Variants in PRKCB observed in about 807,000 individuals in gnomAD.
The protein encoded by PRKCB is protein kinase C beta, also known as protein kinase C beta type.
In PRKCB, 13 loss-of-function variants were observed where a neutral mutation model predicts 81.5. The observed-to-expected ratio is 0.16, with a 90% CI of 0.10 to 0.25. The LOEUF is 0.25. Ranked by LOEUF, PRKCB falls within the 10% of genes least tolerant of loss-of-function variation. The probability of loss-of-function intolerance (pLI) is 1.00; values close to 1 mark genes in which losing one functional copy is unlikely to be tolerated. For synonymous variants in PRKCB, 335 were observed against 321.4 expected (o/e 1.04, Z -0.45); for missense variants, 509 against 875.7 (o/e 0.58, Z 5.29).
intron 2 of PRKCB, among the ~76,000 whole-genome samples, chr16:23,967,777 C>A (rs1964506600): frequency 6.6e-6 from 1 of 152,250 alleles, no homozygotes; most frequent in African/African-American, 2.4e-5. Flanking sequence ...CTCAGCCTCC[C>A]GAGTAGCTGG....
intron 9 of PRKCB, among the ~76,000 whole-genome samples, chr16:24,140,527 G>T (rs2141943034): frequency 6.6e-6 from 1 of 152,278 alleles, no homozygotes; most frequent in East Asian, 1.9e-4. Context: ...AGAGGAGGTG[G>T]CTAGGGAATG....
intron 5 of PRKCB, among the ~76,000 whole-genome samples, chr16:24,072,951 A>T (rs1423475136): frequency 6.6e-6 from 1 of 152,220 alleles, no homozygotes; most frequent in Non-Finnish European, 1.5e-5. Context: ...CCTTACTGTA[A>T]AGAGGAAGTA....
intron 5 of PRKCB, among the ~76,000 whole-genome samples, chr16:24,082,314 C>T (rs1398004032): frequency 1.3e-5 from 2 of 152,146 alleles, no homozygotes; most frequent in Admixed American, 1.3e-4. Flanking sequence ...TAATGAAATT[C>T]AAGTCAAAAT....
intron 5 of PRKCB, among the ~76,000 whole-genome samples, chr16:24,050,993 T>C (rs952504695): frequency 6.6e-6 from 1 of 151,978 alleles, no homozygotes; most frequent in Non-Finnish European, 1.5e-5. Flanking sequence ...TCTTGTAGGG[T>C]TTGGCCTTTT....
intron 2 of PRKCB, among the ~76,000 whole-genome samples, chr16:23,856,088 A>G (rs953252820): frequency 2.0e-5 from 3 of 152,146 alleles, no homozygotes. Context: ...AGATTCATAG[A>G]CTGTACTTGC....
chr16:24,040,410 G>C (rs992343044), intron 5 of PRKCB, among the ~76,000 whole-genome samples: 1 of 151,974 alleles, frequency 6.6e-6, no homozygotes, highest in Non-Finnish European at 1.5e-5. Context: ...TCTTCCTCTC[G>C]ATCTCGGTTC....
At chr16:24,110,159 GGAGGGAGAGGGA>G (rs1335128361) in intron 7 of PRKCB, among the ~76,000 whole-genome samples, 6,468 of 115,700 alleles carry the variant, frequency 0.056, 429 homozygotes, top group African/African-American at 0.17. Flanking sequence ...AGGAGGGAGA[GGAGGGAGAGGGA>G]GAGGGAGAGG....
At chr16:23,880,192 T>C (rs1963083502) in intron 2 of PRKCB, among the ~76,000 whole-genome samples, 1 of 152,178 alleles carries the variant, frequency 6.6e-6, no homozygotes, top group African/African-American at 2.4e-5. Flanking sequence ...CTGCAGGAGA[T>C]GCCTGACTCA....
intron 2 of PRKCB, among the ~76,000 whole-genome samples, chr16:23,909,285 T>C (rs1441280969): frequency 2.0e-5 from 3 of 152,208 alleles, no homozygotes. Flanking sequence ...CACAAGTGCT[T>C]TCATTTGTTT....
At chr16:23,933,193 C>A (rs922559520) in intron 2 of PRKCB, among the ~76,000 whole-genome samples, 1 of 152,188 alleles carries the variant, frequency 6.6e-6, no homozygotes. Flanking sequence ...GTAGGAAAGA[C>A]TCTTTCTTTT....
chr16:23,989,210 C>CT (rs1306349592), intron 3 of PRKCB, among the ~76,000 whole-genome samples: 1 of 152,082 alleles, frequency 6.6e-6, no homozygotes, highest in East Asian at 1.9e-4. Flanking sequence ...CGTGATCCGC[C>CT]GCCTCGGCCT....
chr16:23,994,246 T>G (rs906641491), intron 3 of PRKCB, among the ~76,000 whole-genome samples: 1 of 152,210 alleles, frequency 6.6e-6, no homozygotes, highest in Non-Finnish European at 1.5e-5. Flanking sequence ...GGGCTTATGG[T>G]GGTCAGGTGA....
chr16:24,000,622 A>C (rs1338630155), intron 3 of PRKCB, among the ~76,000 whole-genome samples: 4 of 152,224 alleles, frequency 2.6e-5, no homozygotes, highest in Non-Finnish European at 5.9e-5. Flanking sequence ...AATGAATTTC[A>C]AAGCCCTTAC....
chr16:24,171,396 G>C (rs1596580955), intron 10 of PRKCB, among the ~76,000 whole-genome samples: 1 of 152,212 alleles, frequency 6.6e-6, no homozygotes, highest in Non-Finnish European at 1.5e-5. Flanking sequence ...ATCTGAGAGA[G>C]AGCAGGGTGG....
Position 24,180,878 on chromosome 16 carries a change from G to A in PRKCB, c.1483G>A (p.Gly495Arg). The A allele has an allele frequency of 6.2e-7, 1 of 1,614,190 alleles. No individual in the cohort carries two copies. Among genetic ancestry groups the A allele is most frequent in the Non-Finnish European group, 8.5e-7 (1 of 1,180,024 alleles). Residue 495 changes from glycine (G) to arginine (R), a missense_variant, in exon 13 of 17, where the codon GGG becomes AGG. Gly to Arg is a moderately radical substitution (Grantham distance 125, BLOSUM62 -2). This residue lies in a region of PRKCB where 106 missense variants were observed against 214.0 expected (regional missense o/e 0.50). Coordinates refer to ENST00000643927, the MANE Select transcript of PRKCB (RefSeq NM_002738.7). ...CATGTGTAAGGAAAACATCTGGGAT[G>A]GGGTGACAACCAAGACATTCTGTGG... ...FGMCKENIWD[G>R]VTTKTFCGTP...
At chr16:23,969,167 C>A (rs1220222625) in intron 2 of PRKCB, among the ~76,000 whole-genome samples, 9 of 152,108 alleles carry the variant, frequency 5.9e-5, no homozygotes, top group African/African-American at 2.2e-4. Flanking sequence ...GAGACCCTGT[C>A]TCAAAAACCA....
intron 3 of PRKCB, among the ~76,000 whole-genome samples, chr16:24,021,627 G>C (rs188682982): frequency 2.0e-5 from 3 of 152,082 alleles, no homozygotes. Context: ...AGGAGCAGGG[G>C]GGCAGCCAGG....
At chr16:24,167,597 C>T (rs1209613510) in intron 10 of PRKCB, among the ~76,000 whole-genome samples, 1 of 152,230 alleles carries the variant, frequency 6.6e-6, no homozygotes, top group East Asian at 1.9e-4. Flanking sequence ...AACTTGTGCT[C>T]TCCTGTAACC....
intron 2 of PRKCB, among the ~76,000 whole-genome samples, chr16:23,912,965 C>T (rs1426975050): frequency 6.6e-6 from 1 of 152,134 alleles, no homozygotes; most frequent in Non-Finnish European, 1.5e-5. Flanking sequence ...GCTGGGACTA[C>T]AGATATGTGC....
Sources: gnomAD v4.1 joint callset for allele counts (sites outside exome capture counted in the v4.1 genomes callset) on GRCh38, gnomAD v4.1.1 for gene constraint, gnomAD v4.1.1 regional missense constraint, MANE v1.5 for transcripts, NCBI Gene and HGNC (gene_info 2026-07-23, HGNC 2026-07-21) for gene names.